Variants in OSBPL8 observed in about 807,000 individuals in gnomAD.
The protein encoded by OSBPL8 is oxysterol binding protein like 8.
OSBPL8 carries 59 observed loss-of-function variants against 125.5 expected under a neutral mutation model. The observed-to-expected ratio is 0.47, with a 90% CI of 0.38 to 0.58. OSBPL8 has a LOEUF of 0.58. OSBPL8 is among the 20% of genes least tolerant of loss of function. OSBPL8 has a pLI of 0.00. For missense variants in OSBPL8, 758 were observed against 1,047.8 expected (o/e 0.72, Z 3.82); for synonymous variants, 330 against 338.9 (o/e 0.97, Z 0.29).
intron 1 of OSBPL8, among the ~76,000 whole-genome samples, chr12:76,519,485 C>T (rs1028478024): frequency 5.3e-5 from 8 of 152,186 alleles, no homozygotes; most frequent in Non-Finnish European, 1.2e-4. Context: ...AATCACAGCC[C>T]ATTACCCAGT....
intron 4 of OSBPL8, among the ~76,000 whole-genome samples, chr12:76,416,044 T>C (rs1868620511): frequency 6.6e-6 from 1 of 152,140 alleles, no homozygotes; most frequent in African/African-American, 2.4e-5. Context: ...AAATATGCAC[T>C]TAAGGCTAAA....
At chr12:76,356,581 T>C (rs757447593) in intron 23 of OSBPL8, 45 bp downstream of exon 23, 1 of 1,227,142 alleles carries the variant, frequency 8.1e-7, no homozygotes, top group Non-Finnish European at 1.2e-6. Context: ...GATTCTTAAC[T>C]ACTCCTTGGT....
chr12:76,530,994 A>G (rs1950324230), intron 1 of OSBPL8, among the ~76,000 whole-genome samples: 1 of 152,208 alleles, frequency 6.6e-6, no homozygotes, highest in Admixed American at 6.5e-5. Flanking sequence ...TTATAGTACC[A>G]TTGTGTTAGT....
In OSBPL8 at chr12:76,402,769, GA is replaced by G. The variant is rs762423332; in HGVS notation, c.289-4del. ...CCATTATAAAGTTTAGATTCAGACT[GA>G]AATCATACAGAAACAAGAGAAATTA... On this transcript the variant is annotated splice_region_variant and splice_polypyrimidine_tract_variant and intron_variant, in intron 5 of 23. Transcript: ENST00000261183. 6.4e-7 allele frequency: 1 copy of G among 1,568,766 alleles called. No homozygotes were observed. Among genetic ancestry groups the G allele is most frequent in the South Asian group, 1.1e-5 (1 of 88,562 alleles).
At chr12:76,437,975 C>T (rs1871681870) in intron 4 of OSBPL8, among the ~76,000 whole-genome samples, 1 of 148,362 alleles carries the variant, frequency 6.7e-6, no homozygotes, top group African/African-American at 2.6e-5. Flanking sequence ...TTAAGTAAAA[C>T]TTCTTCTTTT....
At chr12:76,415,762 ATCAGAGTTAAGGTT>A (rs769884929) in intron 4 of OSBPL8, among the ~76,000 whole-genome samples, 3 of 152,194 alleles carry the variant, frequency 2.0e-5, no homozygotes, top group Non-Finnish European at 4.4e-5. Context: ...GGCTAATTGT[ATCAGAGTTAAGGTT>A]TTAAAAAAAC....
intron 18 of OSBPL8, chr12:76,371,997 G>C (rs1952637437): frequency 6.5e-6 from 1 of 154,408 alleles, no homozygotes; most frequent in Non-Finnish European, 1.4e-5. Flanking sequence ...CCCTCTGAAA[G>C]AGCCTTTACT....
chr12:76,369,883 A>G (rs1952556700), intron 19 of OSBPL8, 61 bp from the exon 20 acceptor site: 1 of 1,436,068 alleles, frequency 7.0e-7, no homozygotes. Context: ...AAATCTATAT[A>G]GAATAGGCCT....
In OSBPL8 at chr12:76,363,744, G is replaced by T. The variant is rs192578339; in HGVS notation, c.2329-4933C>A. Among the ~76,000 whole-genome samples the T allele has an allele frequency of 2.0e-3, 303 of 152,206 alleles. 1 individual carries two copies. The highest frequency in any genetic ancestry group is 6.9e-3 in the African/African-American group (288 of 41,528). ...GGCAACCTACAGAATGGGAGAAAAT[G>T]TTTGCCATCTATCCATCTGACAAAG... On this transcript the variant is annotated intron_variant, in intron 21 of 23. Coordinates refer to ENST00000261183, the MANE Select transcript of OSBPL8 (RefSeq NM_020841.5).
At chr12:76,459,027 T>A (rs1203487763) in intron 3 of OSBPL8, among the ~76,000 whole-genome samples, 1 of 152,206 alleles carries the variant, frequency 6.6e-6, no homozygotes, top group Non-Finnish European at 1.5e-5. Context: ...ACTGTTTAGT[T>A]ACACTTGAAT....
At chr12:76,407,376 A>G (rs1196889470) in intron 5 of OSBPL8, among the ~76,000 whole-genome samples, 1 of 152,166 alleles carries the variant, frequency 6.6e-6, no homozygotes, top group Non-Finnish European at 1.5e-5. Flanking sequence ...TTAGCCCCCC[A>G]GGTAGCTGGG....
Position 76,538,685 on chromosome 12 carries a change from C to T in OSBPL8, c.-68+20712G>A, listed in dbSNP as rs968270002. Among the ~76,000 whole-genome samples, 8 of 152,214 alleles carry T rather than the reference C, an allele frequency of 5.3e-5. No homozygotes were observed. In the East Asian group the frequency reaches 1.2e-3, roughly 22 times the overall value. ...CTTTGAGACCCAGTGCAGTGGCTCA[C>T]ACCTGTAATCCCAGCACTTTGGGAG... On this transcript the variant is annotated intron_variant, in intron 1 of 23. Coordinates refer to ENST00000261183, the MANE Select transcript of OSBPL8 (RefSeq NM_020841.5).
intron 1 of OSBPL8, among the ~76,000 whole-genome samples, chr12:76,526,625 C>T (rs1266913344): frequency 7.5e-6 from 1 of 132,622 alleles, no homozygotes; most frequent in African/African-American, 2.8e-5. Context: ...TACTTGCTAT[C>T]AGTAAATCTC....
intron 1 of OSBPL8, among the ~76,000 whole-genome samples, chr12:76,522,886 C>T (rs945321000): frequency 2.6e-5 from 4 of 152,184 alleles, no homozygotes; most frequent in African/African-American, 7.2e-5. Context: ...ATGTCACTGT[C>T]ACCCAGATTG....
intron 2 of OSBPL8, among the ~76,000 whole-genome samples, chr12:76,465,919 T>C (rs757501039): frequency 1.3e-5 from 2 of 151,890 alleles, no homozygotes; most frequent in Non-Finnish European, 2.9e-5. Flanking sequence ...GGCAGGAGAA[T>C]TTCTTGAACC....
intron 4 of OSBPL8, among the ~76,000 whole-genome samples, chr12:76,434,922 A>G (rs760942744): frequency 3.3e-5 from 5 of 152,216 alleles, no homozygotes; most frequent in Non-Finnish European, 7.3e-5. Context: ...AAATTGGTAC[A>G]TCTATTATGG....
At chr12:76,551,343 G>C (rs760647207) in intron 1 of OSBPL8, among the ~76,000 whole-genome samples, 6 of 152,128 alleles carry the variant, frequency 3.9e-5, no homozygotes, top group Non-Finnish European at 8.8e-5. Flanking sequence ...GGGAACATCT[G>C]GCAATATCTT....
intron 4 of OSBPL8, among the ~76,000 whole-genome samples, chr12:76,445,312 A>G (rs1592695307): frequency 6.6e-6 from 1 of 152,198 alleles, no homozygotes; most frequent in East Asian, 1.9e-4. Context: ...ATCCTTTGCA[A>G]CTTTAGAGTA....
At chr12:76,471,110 C>T (rs1328312817) in intron 2 of OSBPL8, among the ~76,000 whole-genome samples, 1 of 152,140 alleles carries the variant, frequency 6.6e-6, no homozygotes, top group Non-Finnish European at 1.5e-5. Flanking sequence ...CCTAGTGCTG[C>T]CCACTGTCTG....
Sources: allele counts gnomAD v4.1 joint callset (sites outside exome capture counted in the v4.1 genomes callset), GRCh38; gene constraint gnomAD v4.1.1; transcripts MANE v1.5; gene names NCBI Gene and HGNC (gene_info 2026-07-23, HGNC 2026-07-21).